Variants in HCN1 observed in about 807,000 individuals in gnomAD.
HCN1 encodes the protein potassium/sodium hyperpolarization-activated cyclic nucleotide-gated channel 1.
A neutral mutation model predicts 78.9 loss-of-function variants in HCN1; 13 were observed. The ratio of observed to expected loss-of-function variants is 0.16; its 90% confidence interval spans 0.11 to 0.26. The LOEUF (loss-of-function observed/expected upper bound fraction) is 0.26. HCN1 is among the 10% of genes least tolerant of loss of function. HCN1 has a pLI of 1.00. For missense variants in HCN1, 810 were observed against 1,154.3 expected (o/e 0.70, Z 4.32); for synonymous variants, 552 against 455.5 (o/e 1.21, Z -2.70).
rs557924596 is a variant in HCN1, at chr5:45,492,317, T to A, written c.850-30310A>T. ...GTGTATGTGTGTGTGTGTGTGTGTGTGTGTGAGAGAGAGAGGATAGGTGTG... is the reference window on the plus strand; with the variant it reads ...GTGTATGTGTGTGTGTGTGTGTGTGAGTGTGAGAGAGAGAGGATAGGTGTG... On this transcript the variant is annotated intron_variant, in intron 2 of 7. Transcript: ENST00000303230. Among the ~76,000 whole-genome samples the A allele has an allele frequency of 2.7e-4, 41 of 149,702 alleles. No homozygotes were observed. The East Asian group carries it at 6.5e-3, about 24-fold the overall frequency.
intron 3 of HCN1, among the ~76,000 whole-genome samples, chr5:45,438,858 C>T (rs1327872938): frequency 6.6e-6 from 1 of 152,108 alleles, no homozygotes; most frequent in Non-Finnish European, 1.5e-5. Flanking sequence ...GGAATATACT[C>T]TTTAATTTGG....
intron 1 of HCN1, among the ~76,000 whole-genome samples, chr5:45,656,734 T>C (rs1304754420): frequency 6.6e-6 from 1 of 152,186 alleles, no homozygotes; most frequent in Non-Finnish European, 1.5e-5. Flanking sequence ...TGTGATCAAA[T>C]AAAATCTCAA....
chr5:45,567,565 A>T (rs1324983119), intron 2 of HCN1, among the ~76,000 whole-genome samples: 2 of 20,190 alleles, frequency 9.9e-5, no homozygotes, highest in Admixed American at 4.3e-4. Context: ...GGCTACACAC[A>T]CACACACACA....
At chr5:45,411,517 C>A (rs1243792163) in intron 3 of HCN1, among the ~76,000 whole-genome samples, 1 of 151,802 alleles carries the variant, frequency 6.6e-6, no homozygotes, top group Non-Finnish European at 1.5e-5. Flanking sequence ...CGAAGCAGGG[C>A]CCCTTTAAAA....
intron 2 of HCN1, among the ~76,000 whole-genome samples, chr5:45,498,999 G>C (rs1265943998): frequency 6.6e-6 from 1 of 152,156 alleles, no homozygotes; most frequent in Non-Finnish European, 1.5e-5. Context: ...TTGTCAGACA[G>C]GGACATTTAA....
chr5:45,646,237 G>C (rs1352787376), intron 1 of HCN1, among the ~76,000 whole-genome samples: 1 of 151,856 alleles, frequency 6.6e-6, no homozygotes, highest in Non-Finnish European at 1.5e-5. Context: ...ATGCTAAAAA[G>C]AACTGAGCAA....
At chr5:45,635,428 C>T (rs1745338864) in intron 2 of HCN1, among the ~76,000 whole-genome samples, 1 of 152,012 alleles carries the variant, frequency 6.6e-6, no homozygotes. Flanking sequence ...CCTTTCTGAT[C>T]CCACTACTCC....
At chr5:45,566,140 T>G (rs2111891709) in intron 2 of HCN1, among the ~76,000 whole-genome samples, 1 of 152,304 alleles carries the variant, frequency 6.6e-6, no homozygotes, top group East Asian at 1.9e-4. Context: ...TTACTGAATT[T>G]TTCTCATCTC....
At chr5:45,649,758 C>T (rs1380936232) in intron 1 of HCN1, among the ~76,000 whole-genome samples, 1 of 151,906 alleles carries the variant, frequency 6.6e-6, no homozygotes, top group African/African-American at 2.4e-5. Context: ...TCTAAGATAG[C>T]AAATGTTAAG....
At chr5:45,608,289 T>C (rs1744762544) in intron 2 of HCN1, among the ~76,000 whole-genome samples, 1 of 151,848 alleles carries the variant, frequency 6.6e-6, no homozygotes, top group Admixed American at 6.6e-5. Flanking sequence ...AAGACATCAA[T>C]TTTTCCCTAA....
chr5:45,363,987 T>C (rs1040501306), intron 4 of HCN1, among the ~76,000 whole-genome samples: 1 of 152,084 alleles, frequency 6.6e-6, no homozygotes, highest in African/African-American at 2.4e-5. Flanking sequence ...TCTTCCTCAG[T>C]AAATTACCCA....
intron 5 of HCN1, among the ~76,000 whole-genome samples, chr5:45,320,943 C>G (rs1412986352): frequency 6.6e-6 from 1 of 151,678 alleles, no homozygotes; most frequent in East Asian, 1.9e-4. Flanking sequence ...CTTCTTAAAG[C>G]AATAGAATTT....
chr5:45,490,784 T>A (rs1414495378), intron 2 of HCN1, among the ~76,000 whole-genome samples: 1 of 152,134 alleles, frequency 6.6e-6, no homozygotes, highest in Admixed American at 6.6e-5. Context: ...GAGTCTCCCC[T>A]TTCTTCCAAC....
chr5:45,445,056 C>G (rs895896737), intron 3 of HCN1, among the ~76,000 whole-genome samples: 1 of 152,130 alleles, frequency 6.6e-6, no homozygotes, highest in African/African-American at 2.4e-5. Context: ...TGCAGCGCAC[C>G]GTGCGTGAGC....
At chr5:45,605,858 T>A (rs1210838058) in intron 2 of HCN1, among the ~76,000 whole-genome samples, 1 of 151,970 alleles carries the variant, frequency 6.6e-6, no homozygotes, top group Non-Finnish European at 1.5e-5. Context: ...AAAAAATAAG[T>A]TTGAAAAGAC....
chr5:45,382,098 A>G (rs2112026409), intron 4 of HCN1, among the ~76,000 whole-genome samples: 1 of 152,272 alleles, frequency 6.6e-6, no homozygotes, highest in Middle Eastern at 3.4e-3. Context: ...ATAATAAAAC[A>G]TCTTCCTTCA....
intron 4 of HCN1, among the ~76,000 whole-genome samples, chr5:45,360,681 G>C (rs534202757): frequency 5.0e-4 from 76 of 151,912 alleles, no homozygotes; most frequent in Non-Finnish European, 7.4e-4. Flanking sequence ...TTATGAAAAA[G>C]TTTTAAGTCA....
chr5:45,380,449 G>A (rs1477394141), intron 4 of HCN1, among the ~76,000 whole-genome samples: 1 of 152,062 alleles, frequency 6.6e-6, no homozygotes, highest in African/African-American at 2.4e-5. Flanking sequence ...TCCAGCATAT[G>A]TCTAGAAAAC....
At chr5:45,344,903 C>A (rs1278779323) in intron 5 of HCN1, among the ~76,000 whole-genome samples, 2 of 152,164 alleles carry the variant, frequency 1.3e-5, no homozygotes, top group African/African-American at 2.4e-5. Context: ...CTCCACTAGG[C>A]AGTGACCCAG....
Sources: allele counts gnomAD v4.1 joint callset (sites outside exome capture counted in the v4.1 genomes callset), GRCh38; gene constraint gnomAD v4.1.1; transcripts MANE v1.5; gene names NCBI Gene and HGNC (gene_info 2026-07-23, HGNC 2026-07-21).